Variants in CMTR1 observed in about 807,000 individuals in gnomAD.
CMTR1 encodes cap methyltransferase 1.
In CMTR1, 39 loss-of-function variants were observed where a neutral mutation model predicts 107.0. That is an observed-to-expected ratio of 0.36 (90% CI 0.28 to 0.48). The LOEUF is 0.48. CMTR1 is among the 20% of genes least tolerant of loss of function. The pLI is 0.99. For synonymous variants in CMTR1, 366 were observed against 379.5 expected, an observed-to-expected ratio of 0.96 and a Z score of 0.41; for missense variants, 672 against 1,064.9, an observed-to-expected ratio of 0.63 and a Z score of 5.14.
Position 37,478,535 on chromosome 6 carries a change from G to A in CMTR1, c.2266+14G>A. On this transcript the variant is annotated intron_variant, in intron 22 of 23. Transcript: ENST00000373451. The stretch of plus-strand genomic sequence containing the variant: ...GGACAGTGAATGGTGGGTGAGGAGG[G>A]ACTGTTCCCGCCATCCCCTCCCCTC... 1.9e-6 allele frequency: 3 copies of A among 1,596,602 alleles called. No homozygotes were observed. Among genetic ancestry groups the A allele is most frequent in the Non-Finnish European group, 2.6e-6 (3 of 1,164,278 alleles).
chr6:37,476,600 A>AC (rs1174370810), intron 20 of CMTR1, among the ~76,000 whole-genome samples: 1 of 143,530 alleles, frequency 7.0e-6, no homozygotes, highest in East Asian at 2.0e-4. Context: ...AGGGAATGGG[A>AC]CCCCCAGTGC....
chr6:37,470,476 C>T lies in CMTR1; in HGVS notation c.1506-545C>T, dbSNP rs574322278. 6.6e-5 allele frequency among the ~76,000 whole-genome samples: 10 copies of T among 152,302 alleles called. 1 individual carries two copies. The highest frequency in any genetic ancestry group is 2.4e-4 in the African/African-American group (10 of 41,580). On this transcript the variant is annotated intron_variant, in intron 13 of 23. Transcript: ENST00000373451. ...TCACCCTTTCCAGTAGATCTTTTAA[C>T]ATGTTTATCACAGTTATCTTAAAGG...
At chr6:37,434,873 A>T (rs1008048566) in intron 1 of CMTR1, among the ~76,000 whole-genome samples, 1 of 151,952 alleles carries the variant, frequency 6.6e-6, no homozygotes, top group African/African-American at 2.4e-5. Flanking sequence ...CTTTCTCCCA[A>T]AGTGCTGGGA....
At position 37,481,146 on chromosome 6, in the gene CMTR1, G is replaced by C; in HGVS notation, c.*1001G>C. On this transcript the variant is annotated 3_prime_UTR_variant, in exon 24 of 24. Coordinates refer to ENST00000373451, the MANE Select transcript of CMTR1 (RefSeq NM_015050.3). ...GAGGTACAATCTGCTTTTGTTTGTC[G>C]TTAAGTGGTCACTCCCATTTCCTTT... The C allele has an allele frequency of 7.7e-7, 1 of 1,303,186 alleles. No homozygotes were observed. Among genetic ancestry groups the C allele is most frequent in the Non-Finnish European group, 1.0e-6 (1 of 988,748 alleles). 80.7% of individuals were successfully genotyped at this position (1,303,186 alleles called of 1,614,324 possible).
chr6:37,425,966 T>C, the CMTR1 span, among the ~76,000 whole-genome samples: 1 of 152,220 alleles, frequency 6.6e-6, no homozygotes, highest in African/African-American at 2.4e-5. Context: ...CTGTTTGTTT[T>C]GTTGTCTTTT....
At chr6:37,433,112 T>C (rs1771417914), upstream of CMTR1, 1 of 152,308 alleles carries the variant, frequency 6.6e-6, no homozygotes, top group African/African-American at 2.4e-5. Context: ...ACCTCCCAGG[T>C]TGAGAGGTGG....
Position 37,458,680 on chromosome 6 carries a change from C to T in CMTR1, c.846C>T (p.Gly282=). Residue 282 remains glycine, a synonymous_variant, in exon 9 of 24, where the codon GGC becomes GGT. Coordinates refer to ENST00000373451, the MANE Select transcript of CMTR1 (RefSeq NM_015050.3). The surrounding 1 kb of genome is among the most constrained non-coding windows in gnomAD (Gnocchi z 4.7). ...CTGATGTCTGCGCAGGCCCAGGTGG[C>T]TTCTCAGAGTATGTGCTGTGGAGGA... The part of the protein sequence containing the change: ...YFADVCAGPG[G]FSEYVLWRKK... 6.2e-7 allele frequency: 1 copy of T among 1,614,136 alleles called. No homozygotes were observed. Among genetic ancestry groups the T allele is most frequent in the Non-Finnish European group, 8.5e-7 (1 of 1,180,038 alleles).
At chr6:37,437,047 C>G (rs1463652078) in intron 2 of CMTR1, among the ~76,000 whole-genome samples, 2 of 152,140 alleles carry the variant, frequency 1.3e-5, no homozygotes, top group Non-Finnish European at 2.9e-5. Context: ...AATGGAGCAT[C>G]GGTGTCGCTG....
Position 37,462,104 on chromosome 6 carries a change from T to G in CMTR1, c.1325+2T>G. ...CAGCCGTCCTGCCAACTCAGAGAGG[T>G]GAAGCCTTTCTCTCTATATTAGCCA... On this transcript the variant is annotated splice_donor_variant, in intron 12 of 23. Transcript: ENST00000373451. LOFTEE classifies it high-confidence loss of function. The G allele has an allele frequency of 6.2e-7, 1 of 1,614,020 alleles. No homozygotes were observed. The highest frequency in any genetic ancestry group is 8.5e-7 in the Non-Finnish European group (1 of 1,179,998).
At chr6:37,466,834 C>T (rs139954441) in intron 13 of CMTR1, among the ~76,000 whole-genome samples, 142 of 152,056 alleles carry the variant, frequency 9.3e-4, no homozygotes, top group Non-Finnish European at 1.8e-3. Context: ...TCTGCACATA[C>T]GTGTATATAT....
In CMTR1 at chr6:37,462,870, T is replaced by G; in HGVS notation, c.1367T>G (p.Val456Gly). The G allele has an allele frequency of 6.2e-7, 1 of 1,613,536 alleles. No homozygotes were observed. Among genetic ancestry groups the G allele is most frequent in the Non-Finnish European group, 8.5e-7 (1 of 1,180,036 alleles). The change falls in exon 13 of 24, where the codon GTT becomes GGT. Residue 456 changes from valine to glycine, a missense_variant. Around this residue, in one of 2 missense-constraint regions of CMTR1, gnomAD observed 583 missense variants for 968.4 expected, o/e 0.60. Coordinates refer to ENST00000373451, the MANE Select transcript of CMTR1 (RefSeq NM_015050.3). Reference sequence around the variant, plus strand: ...GGCCTGAAGGTGGGCATAGATGATGTTCGGGATTACCTCTTCGCAGTGAAT... The same window carrying G: ...GGCCTGAAGGTGGGCATAGATGATGGTCGGGATTACCTCTTCGCAGTGAAT... ...CKGLKVGIDD[V>G]RDYLFAVNIK...
rs189342029 is a variant in CMTR1 at position 37,451,027 on chromosome 6, G to A, written c.537+684G>A. 2.9e-3 allele frequency among the ~76,000 whole-genome samples: 448 copies of A among 152,020 alleles called. 4 individuals carry two copies. Among genetic ancestry groups the A allele is most frequent in the African/African-American group, 1.0e-2 (414 of 41,474 alleles). On this transcript the variant is annotated intron_variant, in intron 5 of 23. Transcript: ENST00000373451. The stretch of plus-strand genomic sequence containing the variant: ...AGATGCTGAAGAAATTTGCAAAAAT[G>A]GAAAACAGTACCACTCTCCTCACTC...
chr6:37,481,320 A>G lies in CMTR1; in HGVS notation c.*1175A>G, dbSNP rs1316807269. The G allele has an allele frequency of 8.3e-7, 1 of 1,208,404 alleles. No homozygotes were observed. The highest frequency in any genetic ancestry group is 1.6e-5 in the African/African-American group (1 of 63,108). The allele number at this position is 1,208,404 out of a possible 1,614,324, so 74.9% of individuals were successfully genotyped here. ...CCATCCCAGTGCCAGGCTGGTTTCC[A>G]TGGAGATAGGGCACTGAGGCTCCCG... On this transcript the variant is annotated 3_prime_UTR_variant, in exon 24 of 24. Coordinates refer to ENST00000373451, the MANE Select transcript of CMTR1 (RefSeq NM_015050.3).
In CMTR1 at chr6:37,480,479, G is replaced by C; in HGVS notation, c.*334G>C. The stretch of plus-strand genomic sequence containing the variant: ...TCAGAGTGGCAGAGCTGTGGGCTCT[G>C]CTGTTCTCTCCTGCATCCTGTAGAC... On this transcript the variant is annotated 3_prime_UTR_variant, in exon 24 of 24. Transcript: ENST00000373451. The C allele has an allele frequency of 8.7e-7, 1 of 1,149,716 alleles. No individual in the cohort carries two copies. Among genetic ancestry groups the C allele is most frequent in the South Asian group, 2.2e-5 (1 of 46,246 alleles). The allele number at this position is 1,149,716 out of a possible 1,614,324, so 71.2% of individuals were successfully genotyped here. A position where few individuals can be genotyped will look rare whatever the true frequency, so the allele number is the denominator to read the frequency against.
chr6:37,463,024 G>A lies in CMTR1; in HGVS notation c.1505+16G>A, dbSNP rs1311142670. The A allele has an allele frequency of 6.2e-7, 1 of 1,611,450 alleles. No homozygotes were observed. Among genetic ancestry groups the A allele is most frequent in the Non-Finnish European group, 8.5e-7 (1 of 1,177,738 alleles). ...CCAATGAGAGGTAAGCCAACGGGCT[G>A]GTTTTTGCTGGTAACACTGAGGTCC... is the stretch of plus-strand genomic sequence containing the variant. On this transcript the variant is annotated intron_variant, in intron 13 of 23. Transcript: ENST00000373451.
chr6:37,432,310 G>T (rs901745586), upstream of CMTR1, among the ~76,000 whole-genome samples: 1 of 152,206 alleles, frequency 6.6e-6, no homozygotes, highest in African/African-American at 2.4e-5. Context: ...ACAGGATCAG[G>T]TTTAATTAAT....
chr6:37,447,911 A>G (rs1273698833), intron 4 of CMTR1, among the ~76,000 whole-genome samples: 2 of 149,346 alleles, frequency 1.3e-5, no homozygotes, highest in Non-Finnish European at 1.5e-5. Flanking sequence ...GTTTGTAAGT[A>G]AAAGTTAGGT....
intron 10 of CMTR1, 22 bp downstream of exon 10, chr6:37,459,706 G>T: frequency 2.0e-6 from 3 of 1,481,276 alleles, no homozygotes; most frequent in Non-Finnish European, 2.8e-6. Context: ...TTTTTCCATA[G>T]ACTGATGCAT....
At chr6:37,460,127 A>G (rs1366696272) in intron 10 of CMTR1, among the ~76,000 whole-genome samples, 1 of 152,240 alleles carries the variant, frequency 6.6e-6, no homozygotes, top group Non-Finnish European at 1.5e-5. Flanking sequence ...TCACCCAGTA[A>G]TCTGACAATG....
Sources: allele counts gnomAD v4.1 joint callset (sites outside exome capture counted in the v4.1 genomes callset), GRCh38; gene constraint gnomAD v4.1.1; regional missense constraint gnomAD v4.1.1; non-coding constraint Gnocchi (gnomAD v3.1); transcripts MANE v1.5; gene names NCBI Gene and HGNC (gene_info 2026-07-23, HGNC 2026-07-21).